Variants in VEPH1 observed in about 807,000 individuals in gnomAD.
The protein encoded by VEPH1 is ventricular zone expressed PH domain containing 1.
In VEPH1, 80 loss-of-function variants were observed where a neutral mutation model predicts 85.2. That is an observed-to-expected ratio of 0.94 (90% confidence interval 0.78 to 1.13). VEPH1 has a LOEUF of 1.13. VEPH1 is among the 50% of genes most tolerant of loss of function. The probability of loss-of-function intolerance (pLI) is 0.00; values close to 1 mark genes in which losing one functional copy is unlikely to be tolerated. For synonymous variants in VEPH1, 297 were observed against 348.0 expected, an observed-to-expected ratio of 0.85 and a Z score of 1.63; for missense variants, 955 against 980.5, an observed-to-expected ratio of 0.97 and a Z score of 0.35.
Position 157,414,065 on chromosome 3 carries a change from A to C in VEPH1, c.722T>G (p.Leu241Arg). The part of the protein sequence containing the change: ...LEVVQKCIPF[L>R]IGHLKDSTHN... ...GGTTGAATCCTTCAAATGCCCAATT[A>C]GGAAAGGAATACACTTCTGAACTAC... Residue 241 changes from leucine (L) to arginine (R), a missense_variant, in exon 6 of 14, where the codon CTA (leucine) becomes CGA (arginine). Coordinates refer to ENST00000362010, the MANE Select transcript of VEPH1 (RefSeq NM_001167912.2). The C allele has an allele frequency of 6.2e-7, 1 of 1,612,572 alleles. No homozygotes were observed. Among genetic ancestry groups the C allele is most frequent in the South Asian group, 1.1e-5 (1 of 91,026 alleles).
chr3:157,340,806 G>T (rs138859050), intron 9 of VEPH1, among the ~76,000 whole-genome samples: 2,165 of 152,270 alleles, frequency 0.014, 23 homozygotes, highest in Admixed American at 0.021. Flanking sequence ...CACACGGCCG[G>T]GTACCCCTCT....
At chr3:157,402,387 T>C (rs1304825525) in intron 6 of VEPH1, among the ~76,000 whole-genome samples, 1 of 152,130 alleles carries the variant, frequency 6.6e-6, no homozygotes, top group Non-Finnish European at 1.5e-5. Flanking sequence ...TTGAATGAGA[T>C]AGGAGCCCTT....
chr3:157,389,848 G>C (rs1729691186), intron 6 of VEPH1, among the ~76,000 whole-genome samples: 1 of 152,106 alleles, frequency 6.6e-6, no homozygotes, highest in Admixed American at 6.5e-5. Context: ...GCTTTACTGA[G>C]GTCAGCTGAA....
chr3:157,363,026 C>G (rs911146021), intron 9 of VEPH1, among the ~76,000 whole-genome samples: 1 of 152,080 alleles, frequency 6.6e-6, no homozygotes, highest in Non-Finnish European at 1.5e-5. Context: ...TCTGGCAGAA[C>G]CCCTACCCCA....
chr3:157,376,992 G>T (rs1283959498), intron 7 of VEPH1, among the ~76,000 whole-genome samples: 2 of 152,186 alleles, frequency 1.3e-5, no homozygotes, highest in Admixed American at 1.3e-4. Context: ...AGGTTAAAAT[G>T]ACTGAAGTTA....
chr3:157,442,262 C>A (rs1734182229), intron 4 of VEPH1: 5 of 1,081,518 alleles, frequency 4.6e-6, no homozygotes, highest in Non-Finnish European at 6.4e-6. Context: ...ACATAGCTTT[C>A]AATTGTAATA....
chr3:157,311,916 T>C (rs114381201), intron 11 of VEPH1, among the ~76,000 whole-genome samples: 196 of 152,338 alleles, frequency 1.3e-3, no homozygotes, highest in African/African-American at 4.3e-3. Context: ...TTATTTTTAA[T>C]ACTGCATGTT....
rs189706645 is a variant in VEPH1, at chr3:157,349,967, C to T, written c.1735+13397G>A. 1.3e-4 allele frequency among the ~76,000 whole-genome samples: 20 copies of T among 152,162 alleles called. 1 individual carries two copies. Among genetic ancestry groups the T allele is most frequent in the East Asian group, 9.6e-4 (5 of 5,184 alleles). ...TAGCCAAGGCAGTCTACAGATTCAACGGAGTCACCATCAAAATGCCTATGA... is the reference window on the plus strand; with the variant it reads ...TAGCCAAGGCAGTCTACAGATTCAATGGAGTCACCATCAAAATGCCTATGA... On this transcript the variant is annotated intron_variant, in intron 9 of 13. Transcript: ENST00000362010.
intron 11 of VEPH1, among the ~76,000 whole-genome samples, chr3:157,298,201 T>C (rs964060635): frequency 6.6e-6 from 1 of 152,244 alleles, no homozygotes; most frequent in Admixed American, 6.5e-5. Flanking sequence ...CATTTTACCT[T>C]CTTAACAACC....
At chr3:157,331,261 C>T (rs1366024109) in intron 9 of VEPH1, among the ~76,000 whole-genome samples, 3 of 152,098 alleles carry the variant, frequency 2.0e-5, no homozygotes, top group African/African-American at 4.8e-5. Flanking sequence ...GTCTGGAGTT[C>T]GGCAATACAG....
At chr3:157,329,189 A>G (rs534777551) in intron 9 of VEPH1, among the ~76,000 whole-genome samples, 1 of 152,256 alleles carries the variant, frequency 6.6e-6, no homozygotes, top group East Asian at 1.9e-4. Context: ...TTTGGTATTT[A>G]TTGCAGTTTT....
At chr3:157,299,724 T>A (rs1222667910) in intron 11 of VEPH1, among the ~76,000 whole-genome samples, 3 of 152,122 alleles carry the variant, frequency 2.0e-5, no homozygotes, top group Non-Finnish European at 4.4e-5. Context: ...TCCCACAGCC[T>A]ATGAGAGGCA....
chr3:157,352,425 T>A (rs1282469341), intron 9 of VEPH1, among the ~76,000 whole-genome samples: 1 of 152,178 alleles, frequency 6.6e-6, no homozygotes, highest in Non-Finnish European at 1.5e-5. Flanking sequence ...ACTGTTAGAA[T>A]AGAAACAGTC....
chr3:157,495,419 G>T lies in VEPH1; in HGVS notation c.-70C>A. On this transcript the variant is annotated 5_prime_UTR_variant, in exon 2 of 14. It adds an upstream start codon to the 5' untranslated region. Coordinates refer to ENST00000362010, the MANE Select transcript of VEPH1 (RefSeq NM_001167912.2). ...CATGTGTTCCAGTTATCAGAGGTCA[G>T]TAAGACAAAAACATGTAGAAGGAGG... The T allele has an allele frequency of 1.3e-6, 2 of 1,577,204 alleles. No individual in the cohort carries two copies. Among genetic ancestry groups the T allele is most frequent in the South Asian group, 2.4e-5 (2 of 84,606 alleles).
At chr3:157,367,116 C>A (rs571155302) in intron 7 of VEPH1, among the ~76,000 whole-genome samples, 1 of 152,154 alleles carries the variant, frequency 6.6e-6, no homozygotes, top group Admixed American at 6.5e-5. Flanking sequence ...AATTTAAAAC[C>A]ATTTTTCTTA....
At chr3:157,467,958 T>G (rs1736545840) in intron 3 of VEPH1, among the ~76,000 whole-genome samples, 1 of 152,166 alleles carries the variant, frequency 6.6e-6, no homozygotes, top group Non-Finnish European at 1.5e-5. Context: ...CCATACCCCA[T>G]CCCTTTTAAG....
At chr3:157,303,050 CA>C (rs1171647917) in intron 11 of VEPH1, among the ~76,000 whole-genome samples, 8 of 152,098 alleles carry the variant, frequency 5.3e-5, no homozygotes, top group African/African-American at 1.9e-4. Context: ...TAAATGTGCA[CA>C]TATTGAAGGT....
At chr3:157,460,129 A>G (rs373954549) in intron 4 of VEPH1, 52 bp downstream of exon 4, 1 of 1,613,944 alleles carries the variant, frequency 6.2e-7, no homozygotes, top group Non-Finnish European at 8.5e-7. Context: ...TGATGAAAAT[A>G]CTTTTAAATA....
At chr3:157,470,563 A>G in intron 2 of VEPH1, 34 bp from the exon 3 acceptor site, 1 of 1,599,950 alleles carries the variant, frequency 6.3e-7, no homozygotes, top group Non-Finnish European at 8.6e-7. Context: ...GTTAAATAAT[A>G]CTCTAGAAAG....
Sources: gnomAD v4.1 joint callset for allele counts (sites outside exome capture counted in the v4.1 genomes callset) on GRCh38, gnomAD v4.1.1 for gene constraint, MANE v1.5 for transcripts, NCBI Gene and HGNC (gene_info 2026-07-23, HGNC 2026-07-21) for gene names.